Variants in ROBO1 observed in about 807,000 individuals in gnomAD.
ROBO1 encodes roundabout guidance receptor 1.
ROBO1 carries 149 observed loss-of-function variants against 195.9 expected under a neutral mutation model. That is an observed-to-expected ratio of 0.76 (90% CI 0.67 to 0.87). The LOEUF is 0.87. ROBO1 is among the 40% of genes least tolerant of loss of function. The pLI is 0.00. For synonymous variants in ROBO1, 816 were observed against 733.2 expected, an observed-to-expected ratio of 1.11 and a Z score of -1.82; for missense variants, 1,933 against 2,068.3, an observed-to-expected ratio of 0.93 and a Z score of 1.27.
At chr3:79,039,801 C>CGAAAAAAAAA (rs1351048469) in intron 3 of ROBO1, among the ~76,000 whole-genome samples, 11 of 51,320 alleles carry the variant, frequency 2.1e-4, no homozygotes, top group Non-Finnish European at 3.5e-4. Flanking sequence ...GACTCCGTCT[C>CGAAAAAAAAA]AAAAAAAAAA....
In ROBO1 at chr3:78,875,925, A is replaced by C. The variant is rs545957457; in HGVS notation, c.499+62676T>G. ...GTGTCAGATTTTGTTACCTGAAATCAATCATCATTTGCCAAAAGAACTATA... is the reference window on the plus strand; with the variant it reads ...GTGTCAGATTTTGTTACCTGAAATCCATCATCATTTGCCAAAAGAACTATA... On this transcript the variant is annotated intron_variant, in intron 4 of 30. Transcript: ENST00000464233. Among the ~76,000 whole-genome samples the C allele has an allele frequency of 8.1e-4, 124 of 152,236 alleles. 1 individual carries two copies. The highest frequency in any genetic ancestry group is 5.9e-5 in the Non-Finnish European group (4 of 67,952).
At chr3:79,115,485 A>G (rs2108544861) in intron 3 of ROBO1, among the ~76,000 whole-genome samples, 1 of 152,268 alleles carries the variant, frequency 6.6e-6, no homozygotes, top group South Asian at 2.1e-4. Context: ...TTCCTCCAGC[A>G]TCCCACTGCT....
At chr3:78,989,327 T>A (rs948662687) in intron 3 of ROBO1, among the ~76,000 whole-genome samples, 7 of 152,152 alleles carry the variant, frequency 4.6e-5, no homozygotes, top group African/African-American at 9.7e-5. Context: ...AATAAAAAAA[T>A]TTAAGGTCAG....
At chr3:79,175,884 G>A (rs753520737) in intron 2 of ROBO1, among the ~76,000 whole-genome samples, 14 of 152,144 alleles carry the variant, frequency 9.2e-5, no homozygotes, top group Non-Finnish European at 1.9e-4. Flanking sequence ...CATGTTGTAT[G>A]AATTGTATAA....
chr3:79,500,503 C>CT (rs1211672441), intron 2 of ROBO1, among the ~76,000 whole-genome samples: 1 of 152,184 alleles, frequency 6.6e-6, no homozygotes, highest in African/African-American at 2.4e-5. Context: ...TTGTTTTCCT[C>CT]TTTCATTGCT....
intron 3 of ROBO1, among the ~76,000 whole-genome samples, chr3:79,087,388 C>T (rs1283149346): frequency 2.6e-5 from 4 of 152,044 alleles, no homozygotes; most frequent in Non-Finnish European, 5.9e-5. Context: ...GAAATAGAGG[C>T]AGGTTTCCAA....
At position 78,808,978 on chromosome 3, in the gene ROBO1, A is replaced by G. The variant is rs929663513; in HGVS notation, c.500-62078T>C. Among the ~76,000 whole-genome samples, 30 of 152,208 alleles carry G rather than the reference A, an allele frequency of 2.0e-4. 1 individual carries two copies. The highest frequency in any genetic ancestry group is 7.3e-5 in the Non-Finnish European group (5 of 68,032). ...TAAAACACCAAAAGCAATGGCAACA[A>G]AAGCCAAAATTGACAAATGGGATCT... On this transcript the variant is annotated intron_variant, in intron 4 of 30. Coordinates refer to ENST00000464233, the MANE Select transcript of ROBO1 (RefSeq NM_002941.4).
intron 1 of ROBO1, among the ~76,000 whole-genome samples, chr3:79,627,362 C>T (rs948614394): frequency 6.6e-6 from 1 of 152,160 alleles, no homozygotes; most frequent in Non-Finnish European, 1.5e-5. Flanking sequence ...CTACAACCAT[C>T]TGATTTTCAA....
chr3:79,524,124 A>T (rs918216911), intron 2 of ROBO1, among the ~76,000 whole-genome samples: 1 of 152,122 alleles, frequency 6.6e-6, no homozygotes, highest in South Asian at 2.1e-4. Context: ...AGTCTTCGTT[A>T]GAGAAAGTTC....
chr3:78,973,680 C>T (rs541859037), intron 3 of ROBO1, among the ~76,000 whole-genome samples: 1 of 150,016 alleles, frequency 6.7e-6, no homozygotes, highest in African/African-American at 2.4e-5. Flanking sequence ...GCATACAAGG[C>T]AATTAAATAA....
chr3:78,987,591 AT>A (rs2108032106), intron 3 of ROBO1, among the ~76,000 whole-genome samples: 1 of 152,254 alleles, frequency 6.6e-6, no homozygotes, highest in East Asian at 1.9e-4. Context: ...CTTTGCCTTC[AT>A]AAAGGTCCTT....
intron 4 of ROBO1, among the ~76,000 whole-genome samples, chr3:78,817,358 G>T (rs2030167591): frequency 6.6e-6 from 1 of 151,628 alleles, no homozygotes; most frequent in African/African-American, 2.4e-5. Flanking sequence ...TTTTTTTTAA[G>T]ATAACAGTTC....
rs1016678352 is a variant in ROBO1, at chr3:79,498,282, A to G, written c.88+91542T>C. On this transcript the variant is annotated intron_variant, in intron 2 of 30. Transcript: ENST00000464233. ...CATATTGATGTAGATCGATTTTCCT[A>G]ATTTATACCGCCATATGGAAGAGGT... 2.6e-5 allele frequency among the ~76,000 whole-genome samples: 4 copies of G among 152,128 alleles called. No homozygotes were observed. The South Asian group carries it at 6.2e-4, about 24-fold the overall frequency.
chr3:78,965,663 C>T (rs1234394051), intron 3 of ROBO1, among the ~76,000 whole-genome samples: 1 of 151,708 alleles, frequency 6.6e-6, no homozygotes. Flanking sequence ...TAATCAGAAG[C>T]ATTTTTAATA....
At position 79,383,367 on chromosome 3, in the gene ROBO1, C is replaced by T. The variant is rs554050064; in HGVS notation, c.88+206457G>A. On this transcript the variant is annotated intron_variant, in intron 2 of 30. Coordinates refer to ENST00000464233, the MANE Select transcript of ROBO1 (RefSeq NM_002941.4). ...GAGAAAAAAATTTCCGTAAGATTTA[C>T]CATGTTTAAAACTGTCAAAATAAAT... Among the ~76,000 whole-genome samples the T allele has an allele frequency of 3.0e-4, 45 of 151,926 alleles. No homozygotes were observed. The East Asian group carries it at 7.9e-3, about 27-fold the overall frequency.
At chr3:79,243,463 G>A (rs1003997870) in intron 2 of ROBO1, among the ~76,000 whole-genome samples, 16 of 152,148 alleles carry the variant, frequency 1.1e-4, no homozygotes, top group South Asian at 2.1e-4. Flanking sequence ...GTGTAAAAGT[G>A]TTCCTATTTC....
Position 79,245,770 on chromosome 3 carries a change from A to G in ROBO1, c.89-120231T>C, listed in dbSNP as rs2082614405. ...AAATGCTTTATCATGCCTAATGACA[A>G]CCTACACAGAGTCAAATCTAAATGT... On this transcript the variant is annotated intron_variant, in intron 2 of 30. Transcript: ENST00000464233. 2.0e-5 allele frequency among the ~76,000 whole-genome samples: 3 copies of G among 151,962 alleles called. No homozygotes were observed. The South Asian group carries it at 6.2e-4, about 32-fold the overall frequency.
At chr3:78,948,229 C>T (rs2040567023) in intron 3 of ROBO1, among the ~76,000 whole-genome samples, 1 of 151,790 alleles carries the variant, frequency 6.6e-6, no homozygotes, top group African/African-American at 2.4e-5. Flanking sequence ...AATTTTAGAC[C>T]AATATCTTTG....
At chr3:79,270,003 T>A (rs1165672084) in intron 2 of ROBO1, among the ~76,000 whole-genome samples, 1 of 151,824 alleles carries the variant, frequency 6.6e-6, no homozygotes, top group Admixed American at 6.6e-5. Flanking sequence ...AAGATGGTTG[T>A]TGAAGAAACA....
Sources: allele counts gnomAD v4.1 joint callset (sites outside exome capture counted in the v4.1 genomes callset), GRCh38; gene constraint gnomAD v4.1.1; transcripts MANE v1.5; gene names NCBI Gene and HGNC (gene_info 2026-07-23, HGNC 2026-07-21).